PPP1R13B: variants seen among roughly 807,000 people sequenced by gnomAD.
PPP1R13B encodes apoptosis-stimulating of p53 protein 1.
PPP1R13B carries 44 observed loss-of-function variants against 119.8 expected under a neutral mutation model. The ratio of observed to expected loss-of-function variants is 0.37; its 90% CI spans 0.29 to 0.47. PPP1R13B has a LOEUF of 0.47. Among genes scored for constraint, PPP1R13B ranks in the 20% least tolerant of loss-of-function variants. The pLI is 0.99. For missense variants in PPP1R13B, 1,227 were observed against 1,413.5 expected (o/e 0.87, Z 2.12); for synonymous variants, 542 against 561.5 (o/e 0.97, Z 0.49).
rs529010028 is a variant in PPP1R13B at position 103,743,062 on chromosome 14, G to A, written c.1151-239C>T. On this transcript the variant is annotated intron_variant, in intron 9 of 16. Coordinates refer to ENST00000202556, the MANE Select transcript of PPP1R13B (RefSeq NM_015316.3). Reference sequence around the variant, plus strand: ...GCAGCTCACTGCCAACGCCCAAATCGCCTCAAGTGTTACCAGAGACTCACG... The same window carrying A: ...GCAGCTCACTGCCAACGCCCAAATCACCTCAAGTGTTACCAGAGACTCACG... 2.0e-5 allele frequency among the ~76,000 whole-genome samples: 3 copies of A among 152,250 alleles called. No homozygotes were observed. In the South Asian group the frequency reaches 6.2e-4, roughly 32 times the overall value.
rs542107436 is a variant in PPP1R13B at position 103,740,757 on chromosome 14, G to A, written c.1823-164C>T. On this transcript the variant is annotated intron_variant, in intron 11 of 16. Transcript: ENST00000202556. This position sits in a 1 kb window ranked among gnomAD's most constrained non-coding sequence, Gnocchi z 4.6. ...TCTCTGAGGAAACCTCCCCCTCTTA[G>A]AGCCTCCACTGACTCCTTCTGAAAG... Among the ~76,000 whole-genome samples the A allele has an allele frequency of 7.4e-4, 113 of 152,236 alleles. 1 individual carries two copies. Among genetic ancestry groups the A allele is most frequent in the African/African-American group, 2.6e-3 (107 of 41,512 alleles).
intron 3 of PPP1R13B, among the ~76,000 whole-genome samples, chr14:103,782,207 C>T (rs1392596445): frequency 6.6e-6 from 1 of 152,128 alleles, no homozygotes; most frequent in Non-Finnish European, 1.5e-5. Context: ...GATAGATATG[C>T]ACATTACTCT....
chr14:103,837,580 C>T (rs565345540), intron 1 of PPP1R13B, among the ~76,000 whole-genome samples: 1 of 152,206 alleles, frequency 6.6e-6, no homozygotes, highest in African/African-American at 2.4e-5. Flanking sequence ...CACTCCCTCA[C>T]ATGCACACAT....
At chr14:103,744,285 T>C (rs2084334780) in intron 9 of PPP1R13B, among the ~76,000 whole-genome samples, 2 of 152,358 alleles carry the variant, frequency 1.3e-5, no homozygotes, top group South Asian at 4.1e-4. Flanking sequence ...TCTTTTAGTA[T>C]GATTGTAAAA....
intron 9 of PPP1R13B, among the ~76,000 whole-genome samples, chr14:103,745,476 A>G (rs1409840929): frequency 1.3e-5 from 2 of 152,332 alleles, no homozygotes; most frequent in East Asian, 1.9e-4. Flanking sequence ...AGTCATAAAG[A>G]AAGTCTTATT....
intron 1 of PPP1R13B, among the ~76,000 whole-genome samples, chr14:103,838,357 G>C (rs1458718965): frequency 6.6e-5 from 10 of 152,132 alleles, no homozygotes; most frequent in African/African-American, 1.9e-4. Context: ...AACGGCAGTG[G>C]TATAATGGGA....
chr14:103,815,755 CAAAAT>C (rs1461823284), intron 1 of PPP1R13B, among the ~76,000 whole-genome samples: 1 of 146,858 alleles, frequency 6.8e-6, no homozygotes, highest in African/African-American at 2.5e-5. Context: ...AACTCCATCT[CAAAAT>C]AAAATAAAAT....
Position 103,736,046 on chromosome 14 carries a change from C to A in PPP1R13B, c.3188G>T (p.Arg1063Leu), listed in dbSNP as rs371159743. 4.3e-6 allele frequency: 7 copies of A among 1,614,078 alleles called. No homozygotes were observed. Among genetic ancestry groups the A allele is most frequent in the Non-Finnish European group, 5.9e-6 (7 of 1,180,028 alleles). ...CACATAGCCCTCCCGGTCTCCAAGG[C>A]GAGCCCACCACCACTCAGTCTCGCT... ...DESETEWWWA[R>L]LGDREGYVPK... The change falls in exon 16 of 17, where the codon CGC becomes CTC. Residue 1063 changes from arginine (R) to leucine (L), a missense_variant. By Grantham distance (102) the Arg-to-Leu change is moderately radical. Coordinates refer to ENST00000202556, the MANE Select transcript of PPP1R13B (RefSeq NM_015316.3).
intron 1 of PPP1R13B, among the ~76,000 whole-genome samples, chr14:103,827,881 G>A (rs1054316500): frequency 2.0e-5 from 3 of 151,970 alleles, no homozygotes; most frequent in Admixed American, 2.0e-4. Flanking sequence ...TCCTCTCCTA[G>A]TTATCCCACA....
chr14:103,781,715 G>C (rs1397861141), intron 3 of PPP1R13B, among the ~76,000 whole-genome samples: 1 of 152,028 alleles, frequency 6.6e-6, no homozygotes, highest in Admixed American at 6.6e-5. Context: ...GTAGTGGCGC[G>C]ATCTCAGCTC....
At chr14:103,828,631 T>G (rs948701844) in intron 1 of PPP1R13B, among the ~76,000 whole-genome samples, 2 of 151,954 alleles carry the variant, frequency 1.3e-5, no homozygotes, top group Non-Finnish European at 2.9e-5. Context: ...AAGGGCTGCC[T>G]GCTCCAACAG....
In PPP1R13B at chr14:103,739,376, G is replaced by A. The variant is rs565349532; in HGVS notation, c.2593-353C>T. On this transcript the variant is annotated intron_variant, in intron 12 of 16. Coordinates refer to ENST00000202556, the MANE Select transcript of PPP1R13B (RefSeq NM_015316.3). Reference sequence around the variant, plus strand: ...CAGCAGCTCGTTCCTGCCCACATGCGACAGGGTTCTTCCTGCTATGGCACC... The same window carrying A: ...CAGCAGCTCGTTCCTGCCCACATGCAACAGGGTTCTTCCTGCTATGGCACC... The A allele has an allele frequency of 1.9e-5, 6 of 320,670 alleles. No individual in the cohort carries two copies. The South Asian group carries it at 2.4e-4, about 13-fold the overall frequency. The allele number at this position is 320,670 out of a possible 1,614,324, so 19.9% of individuals were successfully genotyped here.
At chr14:103,739,135 G>T in intron 12 of PPP1R13B, 112 bp from the exon 13 acceptor site, 1 of 1,438,582 alleles carries the variant, frequency 7.0e-7, no homozygotes, top group Non-Finnish European at 9.4e-7. Context: ...GTGGCTCCGC[G>T]AAGCAGCCCT....
At chr14:103,788,583 G>C (rs2085529973) in intron 2 of PPP1R13B, among the ~76,000 whole-genome samples, 1 of 151,962 alleles carries the variant, frequency 6.6e-6, no homozygotes, top group African/African-American at 2.4e-5. Context: ...CAGCTACTCA[G>C]GAAGCTGAGA....
chr14:103,817,332 TAAC>T (rs893662747), intron 1 of PPP1R13B, among the ~76,000 whole-genome samples: 1 of 151,988 alleles, frequency 6.6e-6, no homozygotes, highest in African/African-American at 2.4e-5. Context: ...CATTGTTCAA[TAAC>T]AACTGTAACC....
At chr14:103,762,729 G>C in intron 4 of PPP1R13B, 3 of 659,712 alleles carry the variant, frequency 4.5e-6, no homozygotes, top group East Asian at 5.7e-5. Context: ...CGGTGGCCGT[G>C]GGGGTGAGAC....
intron 1 of PPP1R13B, among the ~76,000 whole-genome samples, chr14:103,823,209 G>C (rs1303020146): frequency 6.6e-6 from 1 of 151,720 alleles, no homozygotes; most frequent in Non-Finnish European, 1.5e-5. Context: ...GTGGTGGCGG[G>C]TGCCTGTAGG....
chr14:103,847,571 A>T lies in PPP1R13B; in HGVS notation c.-264T>A. On this transcript the variant is annotated 5_prime_UTR_variant, in exon 1 of 17. Coordinates refer to ENST00000202556, the MANE Select transcript of PPP1R13B (RefSeq NM_015316.3). ...GCCTCAGCCTCAGCCCCAGCCCGAC[A>T]GCCTGCGGCCCGCCCGCCCGGCTCG... 2.0e-6 allele frequency: 2 copies of T among 985,406 alleles called. No homozygotes were observed. The highest frequency in any genetic ancestry group is 2.4e-6 in the Non-Finnish European group (2 of 830,362). The allele number at this position is 985,406 out of a possible 1,614,324, so 61.0% of individuals were successfully genotyped here.
At chr14:103,765,166 G>GT (rs1282723061) in intron 4 of PPP1R13B, among the ~76,000 whole-genome samples, 1 of 152,180 alleles carries the variant, frequency 6.6e-6, no homozygotes, top group African/African-American at 2.4e-5. Flanking sequence ...TATCTGAGGT[G>GT]TTTGTCACAT....
Sources: gnomAD v4.1 joint callset for allele counts (sites outside exome capture counted in the v4.1 genomes callset) on GRCh38, gnomAD v4.1.1 for gene constraint, Gnocchi (gnomAD v3.1) non-coding constraint, MANE v1.5 for transcripts, NCBI Gene and HGNC (gene_info 2026-07-23, HGNC 2026-07-21) for gene names.